LRRC7: variants seen among roughly 807,000 people sequenced by gnomAD.
LRRC7 encodes the protein leucine rich repeat containing 7, also known as leucine-rich repeat-containing protein 7.
In LRRC7, 23 loss-of-function variants were observed where a neutral mutation model predicts 175.7. The observed-to-expected ratio is 0.13, with a 90% confidence interval of 0.09 to 0.19. LRRC7 has a LOEUF of 0.19. Among genes scored for constraint, LRRC7 ranks in the 10% least tolerant of loss-of-function variants. The probability of loss-of-function intolerance (pLI) is 1.00; values close to 1 mark genes in which losing one functional copy is unlikely to be tolerated. For missense variants in LRRC7, 1,354 were observed against 1,904.7 expected (o/e 0.71, Z 5.38); for synonymous variants, 685 against 680.9 (o/e 1.01, Z -0.09).
intron 2 of LRRC7, among the ~76,000 whole-genome samples, chr1:69,717,854 G>GAAAA (rs1665701596): frequency 1.5e-4 from 1 of 6,618 alleles, no homozygotes; most frequent in Non-Finnish European, 2.3e-4. Context: ...AGAAAGAAAG[G>GAAAA]AAAGAAAGAA....
chr1:70,125,610 G>A lies in LRRC7; in HGVS notation c.*3723G>A, dbSNP rs1210561876. Among the ~76,000 whole-genome samples the A allele has an allele frequency of 1.3e-5, 2 of 151,690 alleles. No homozygotes were observed. Among genetic ancestry groups the A allele is most frequent in the African/African-American group, 2.4e-5 (1 of 41,276 alleles). ...GATCGAGACCATCCCAGCTAAAACG[G>A]TGAAACCCCGTCTCTACTAAAAATA... On this transcript the variant is annotated 3_prime_UTR_variant, in exon 27 of 27. Coordinates refer to ENST00000651989, the MANE Select transcript of LRRC7 (RefSeq NM_001370785.2).
chr1:69,716,295 C>A, intron 2 of LRRC7: 1 of 413,270 alleles, frequency 2.4e-6, no homozygotes, highest in South Asian at 1.1e-4. Context: ...CTATAATTAC[C>A]AAATAGTCTT....
rs148991015 is a variant in LRRC7, at chr1:70,127,807, A to T, written c.*5920A>T. On this transcript the variant is annotated 3_prime_UTR_variant, in exon 27 of 27. Transcript: ENST00000651989. The stretch of plus-strand genomic sequence containing the variant: ...AAATTCACGCAGCATTTATGTAAAC[A>T]TTCCATGACTCTTATTAGTCTACGG... 2.6e-4 allele frequency among the ~76,000 whole-genome samples: 40 copies of T among 152,312 alleles called. No individual in the cohort carries two copies. The East Asian group carries it at 7.7e-3, about 29-fold the overall frequency.
chr1:69,730,195 G>A (rs960504471), intron 2 of LRRC7, among the ~76,000 whole-genome samples: 1 of 152,140 alleles, frequency 6.6e-6, no homozygotes, highest in African/African-American at 2.4e-5. Context: ...TGCCATGAGG[G>A]TCTCTGACAT....
chr1:70,036,048 A>G, intron 18 of LRRC7, 73 bp from the exon 19 acceptor site: 2 of 1,163,258 alleles, frequency 1.7e-6, no homozygotes, highest in East Asian at 5.0e-5. Context: ...TGAGCCAAAT[A>G]AAGATACTGC....
At chr1:70,039,862 C>T (rs774688071) in intron 21 of LRRC7, 69 bp downstream of exon 21, 11 of 1,501,454 alleles carry the variant, frequency 7.3e-6, no homozygotes, top group Non-Finnish European at 9.8e-6. Context: ...CATTTCTAAG[C>T]ACATGTAGTG....
At chr1:69,717,834 GAAAGAAA>G (rs1665667017) in intron 2 of LRRC7, among the ~76,000 whole-genome samples, 5 of 30,248 alleles carry the variant, frequency 1.7e-4, no homozygotes, top group African/African-American at 4.0e-4. Context: ...AAGAAAGAAA[GAAAGAAA>G]AAAGAAAGAA....
At position 70,122,872 on chromosome 1, in the gene LRRC7, T is replaced by G. The variant is rs1171177704; in HGVS notation, c.*985T>G. The G allele has an allele frequency of 6.6e-6, 1 of 152,556 alleles. No individual in the cohort carries two copies. Among genetic ancestry groups the G allele is most frequent in the African/African-American group, 2.4e-5 (1 of 41,446 alleles). 9.5% of individuals were successfully genotyped at this position (152,556 alleles called of 1,614,324 possible). On this transcript the variant is annotated 3_prime_UTR_variant, in exon 27 of 27. Coordinates refer to ENST00000651989, the MANE Select transcript of LRRC7 (RefSeq NM_001370785.2). The stretch of plus-strand genomic sequence containing the variant: ...ATTATTTAAAACGAATTTTGGAAAT[T>G]GATAAAATTTATCATTACGAAAGAC...
chr1:69,773,316 T>G (rs894975094), intron 3 of LRRC7, among the ~76,000 whole-genome samples: 1 of 151,982 alleles, frequency 6.6e-6, no homozygotes, highest in East Asian at 1.9e-4. Context: ...TGAAATGAAA[T>G]GAAAGAGAAA....
chr1:69,847,244 C>T (rs1242005408), intron 7 of LRRC7, among the ~76,000 whole-genome samples: 1 of 151,888 alleles, frequency 6.6e-6, no homozygotes, highest in African/African-American at 2.4e-5. Flanking sequence ...TTTATGGTTT[C>T]TAAATAAATG....
chr1:69,856,368 A>G (rs1683626834), intron 7 of LRRC7, among the ~76,000 whole-genome samples: 1 of 152,206 alleles, frequency 6.6e-6, no homozygotes, highest in African/African-American at 2.4e-5. Context: ...ACCACTAGCA[A>G]GACTAATAAA....
intron 7 of LRRC7, among the ~76,000 whole-genome samples, chr1:69,909,523 C>T (rs1280317017): frequency 6.6e-6 from 1 of 152,024 alleles, no homozygotes; most frequent in Non-Finnish European, 1.5e-5. Flanking sequence ...TTCTCCTTCA[C>T]TTATGAAGCT....
At chr1:70,019,971 A>G (rs1191488014) in intron 15 of LRRC7, among the ~76,000 whole-genome samples, 1 of 152,068 alleles carries the variant, frequency 6.6e-6, no homozygotes, top group Non-Finnish European at 1.5e-5. Flanking sequence ...TTTCTGAGAT[A>G]TGATCTCACA....
At chr1:69,778,114 G>C (rs564648340) in intron 3 of LRRC7, among the ~76,000 whole-genome samples, 152 of 152,174 alleles carry the variant, frequency 1.0e-3, no homozygotes, top group African/African-American at 3.4e-3. Flanking sequence ...CCTCTGCCTG[G>C]CATGCTACTT....
Position 70,084,358 on chromosome 1 carries a change from T to C in LRRC7, c.4453-5369T>C, listed in dbSNP as rs1663445282. On this transcript the variant is annotated intron_variant, in intron 24 of 26. Coordinates refer to ENST00000651989, the MANE Select transcript of LRRC7 (RefSeq NM_001370785.2). ...GCCCTAGACAACCACTCATCTACTT[T>C]CTGTCTCTATATATTTGCCTATTCT... is the stretch of plus-strand genomic sequence containing the variant. Among the ~76,000 whole-genome samples, 3 of 152,220 alleles carry C rather than the reference T, an allele frequency of 2.0e-5. No individual in the cohort carries two copies. The South Asian group carries it at 6.2e-4, about 32-fold the overall frequency.
chr1:69,822,314 C>T (rs939779667), intron 4 of LRRC7, among the ~76,000 whole-genome samples: 4 of 152,170 alleles, frequency 2.6e-5, no homozygotes, highest in Non-Finnish European at 4.4e-5. Context: ...TGCTCACACT[C>T]TCTGTCAGGC....
chr1:69,783,489 G>T (rs138725220), intron 3 of LRRC7, among the ~76,000 whole-genome samples: 186 of 152,222 alleles, frequency 1.2e-3, no homozygotes, highest in African/African-American at 4.2e-3. Context: ...GGGCGCAGTG[G>T]CTCACAACTG....
intron 1 of LRRC7, among the ~76,000 whole-genome samples, chr1:69,651,033 T>C (rs1337950111): frequency 6.6e-6 from 1 of 152,172 alleles, no homozygotes; most frequent in Non-Finnish European, 1.5e-5. Context: ...CTGAGACAGT[T>C]TGGCATGTCT....
intron 1 of LRRC7, among the ~76,000 whole-genome samples, chr1:69,659,843 A>C (rs2100526142): frequency 6.6e-6 from 1 of 152,184 alleles, no homozygotes; most frequent in South Asian, 2.1e-4. Context: ...TGATTTCCAA[A>C]GTAGAAAACA....
Sources: gnomAD v4.1 joint callset for allele counts (sites outside exome capture counted in the v4.1 genomes callset) on GRCh38, gnomAD v4.1.1 for gene constraint, MANE v1.5 for transcripts, NCBI Gene and HGNC (gene_info 2026-07-23, HGNC 2026-07-21) for gene names.